Variants in ADGRL3 observed in about 807,000 individuals in gnomAD.
ADGRL3 encodes calcium-independent alpha-latrotoxin receptor 3.
A neutral mutation model predicts 153.5 loss-of-function variants in ADGRL3; 62 were observed. That is an observed-to-expected ratio of 0.40 (90% CI 0.33 to 0.50). ADGRL3 has a LOEUF of 0.50. Among genes scored for constraint, ADGRL3 ranks in the 20% least tolerant of loss-of-function variants. The probability of loss-of-function intolerance (pLI) is 0.47; values close to 1 mark genes in which losing one functional copy is unlikely to be tolerated. For synonymous variants in ADGRL3, 710 were observed against 672.5 expected, an observed-to-expected ratio of 1.06 and a Z score of -0.86; for missense variants, 1,641 against 1,859.4, an observed-to-expected ratio of 0.88 and a Z score of 2.16.
chr4:61,222,823 T>G (rs1407141229), intron 1 of ADGRL3, among the ~76,000 whole-genome samples: 1 of 152,154 alleles, frequency 6.6e-6, no homozygotes, highest in Non-Finnish European at 1.5e-5. Flanking sequence ...AAATTTAAAT[T>G]TATATTTCCT....
At chr4:61,370,339 T>A (rs188784785) in intron 1 of ADGRL3, among the ~76,000 whole-genome samples, 6,592 of 151,760 alleles carry the variant, frequency 0.043, 188 homozygotes, top group Non-Finnish European at 0.068. Context: ...CAATTTTGGA[T>A]CTTTCCTGCT....
rs2098951083 is a variant in ADGRL3 at position 61,587,520 on chromosome 4, A to G, written c.473+80A>G. 1.2e-5 allele frequency: 13 copies of G among 1,048,064 alleles called. No individual in the cohort carries two copies. In the East Asian group the frequency reaches 3.3e-4, roughly 26 times the overall value. The allele number at this position is 1,048,064 out of a possible 1,614,324, so 64.9% of individuals were successfully genotyped here. A position where few individuals can be genotyped will look rare whatever the true frequency, so the allele number is the denominator to read the frequency against. ...ATCTGTGTTACATGTTAAGCATAAG[A>G]ACATAAACAGTGTTATGTATTTTAG... On this transcript the variant is annotated intron_variant, in intron 5 of 26. Coordinates refer to ENST00000683033, the MANE Select transcript of ADGRL3 (RefSeq NM_001387552.1).
intron 17 of ADGRL3, among the ~76,000 whole-genome samples, chr4:61,957,925 TA>T (rs1280671243): frequency 6.6e-6 from 1 of 152,032 alleles, no homozygotes; most frequent in Non-Finnish European, 1.5e-5. Context: ...TTGCTTTCTA[TA>T]AAAAAAGTAT....
intron 6 of ADGRL3, among the ~76,000 whole-genome samples, chr4:61,727,268 T>A (rs958520956): frequency 3.9e-5 from 6 of 152,170 alleles, no homozygotes; most frequent in African/African-American, 1.4e-4. Flanking sequence ...GAATTTGTCA[T>A]TTATTCTAAC....
intron 1 of ADGRL3, among the ~76,000 whole-genome samples, chr4:61,370,425 T>C: frequency 6.6e-6 from 1 of 151,884 alleles, no homozygotes; most frequent in African/African-American, 2.4e-5. Flanking sequence ...TTCTGGTATG[T>C]TGTGTCTTTG....
rs749888642 is a variant in ADGRL3, at chr4:61,214,928, A to G, written c.-240+13163A>G. On this transcript the variant is annotated intron_variant, in intron 1 of 26. Transcript: ENST00000683033. ...ACTCCAGCCTGGGCTACAGAGTGAG[A>G]CCTTGACTATTAAAAAAAAAATCAA... Among the ~76,000 whole-genome samples the G allele has an allele frequency of 2.3e-4, 35 of 152,166 alleles. 2 individuals carry two copies. Among genetic ancestry groups the G allele is most frequent in the Admixed American group, 9.8e-4 (15 of 15,268 alleles).
At chr4:62,013,036 G>A (rs2099193759) in intron 21 of ADGRL3, among the ~76,000 whole-genome samples, 1 of 152,182 alleles carries the variant, frequency 6.6e-6, no homozygotes, top group African/African-American at 2.4e-5. Context: ...AGCTGTACAA[G>A]AAATTGACAG....
chr4:61,293,123 T>A (rs573330780), intron 1 of ADGRL3, among the ~76,000 whole-genome samples: 2 of 152,128 alleles, frequency 1.3e-5, no homozygotes, highest in Non-Finnish European at 2.9e-5. Flanking sequence ...TGAGACACGT[T>A]GTGTAGCAGC....
chr4:61,758,210 G>C (rs544723472), intron 8 of ADGRL3, among the ~76,000 whole-genome samples: 3 of 152,092 alleles, frequency 2.0e-5, no homozygotes, highest in African/African-American at 7.2e-5. Flanking sequence ...ACAATCCCTG[G>C]ATATCCCTGA....
intron 8 of ADGRL3, among the ~76,000 whole-genome samples, chr4:61,801,373 A>C (rs2097494736): frequency 6.6e-6 from 1 of 152,216 alleles, no homozygotes; most frequent in African/African-American, 2.4e-5. Flanking sequence ...GATGATAAGA[A>C]CCAATAATTT....
chr4:61,295,287 A>G (rs1184971805), intron 1 of ADGRL3, among the ~76,000 whole-genome samples: 4 of 152,150 alleles, frequency 2.6e-5, no homozygotes. Flanking sequence ...ATGCTGGCAC[A>G]TTGTTATAAT....
intron 4 of ADGRL3, among the ~76,000 whole-genome samples, chr4:61,580,857 T>G (rs913947680): frequency 6.6e-6 from 1 of 152,072 alleles, no homozygotes; most frequent in Non-Finnish European, 1.5e-5. Flanking sequence ...GTGTTTTTAA[T>G]GAACTACTCT....
At chr4:61,330,768 A>G (rs2095556244) in intron 1 of ADGRL3, among the ~76,000 whole-genome samples, 2 of 152,136 alleles carry the variant, frequency 1.3e-5, no homozygotes, top group African/African-American at 2.4e-5. Context: ...TGGAGTGGCC[A>G]GCTTTTATTC....
chr4:61,961,089 A>G (rs1156452995), intron 17 of ADGRL3, among the ~76,000 whole-genome samples: 2 of 152,270 alleles, frequency 1.3e-5, no homozygotes, highest in South Asian at 4.1e-4. Flanking sequence ...ATCAGTTAGC[A>G]TATTCACCCA....
chr4:61,600,111 C>T (rs2099004915), intron 5 of ADGRL3, among the ~76,000 whole-genome samples: 1 of 151,792 alleles, frequency 6.6e-6, no homozygotes, highest in Admixed American at 6.6e-5. Flanking sequence ...AGATCGAGAC[C>T]ATCCTGGCCA....
At chr4:61,487,743 TATC>T (rs1314762210) in intron 2 of ADGRL3, among the ~76,000 whole-genome samples, 1 of 152,168 alleles carries the variant, frequency 6.6e-6, no homozygotes, top group East Asian at 1.9e-4. Context: ...CATAACTAGT[TATC>T]ATGAATATTT....
intron 17 of ADGRL3, among the ~76,000 whole-genome samples, chr4:61,958,754 C>T (rs747532732): frequency 5.9e-5 from 9 of 152,066 alleles, no homozygotes; most frequent in Admixed American, 1.3e-4. Flanking sequence ...TGGTCACTCC[C>T]GCCACACAGG....
Position 61,449,291 on chromosome 4 carries a change from C to T in ADGRL3, c.-173-47830C>T, listed in dbSNP as rs1462796665. The stretch of plus-strand genomic sequence containing the variant: ...AGCTGGGATTAGAGAAATGCGCCAC[C>T]ACGCCCAGCTAATTTTTGTATTTTT... On this transcript the variant is annotated intron_variant, in intron 2 of 26. Transcript: ENST00000683033. 2.0e-5 allele frequency among the ~76,000 whole-genome samples: 3 copies of T among 151,940 alleles called. No individual in the cohort carries two copies. The East Asian group carries it at 5.8e-4, about 30-fold the overall frequency.
chr4:61,428,894 CATCTATCTATCT>C (rs5858699), intron 2 of ADGRL3, among the ~76,000 whole-genome samples: 2,169 of 98,342 alleles, frequency 0.022, 25 homozygotes, highest in Middle Eastern at 0.032. Flanking sequence ...CTATCTATAT[CATCTATCTATCT>C]ATCTATCTAT....
Sources: allele counts gnomAD v4.1 joint callset (sites outside exome capture counted in the v4.1 genomes callset), GRCh38; gene constraint gnomAD v4.1.1; transcripts MANE v1.5; gene names NCBI Gene and HGNC (gene_info 2026-07-23, HGNC 2026-07-21).